The following CNTNAP2 variants were observed in gnomAD, a reference collection of about 807,000 sequenced individuals.
The protein encoded by CNTNAP2 is contactin-associated protein-like 2.
In CNTNAP2, 98 loss-of-function variants were observed where a neutral mutation model predicts 155.2. The ratio of observed to expected loss-of-function variants is 0.63; its 90% CI spans 0.54 to 0.75. The LOEUF (loss-of-function observed/expected upper bound fraction) is 0.75. Ranked by LOEUF, CNTNAP2 falls within the 30% of genes least tolerant of loss-of-function variation. The pLI, the probability that CNTNAP2 is intolerant of heterozygous loss-of-function variation, is 0.00. For missense variants in CNTNAP2, 1,727 were observed against 1,688.1 expected (o/e 1.02, Z -0.40); for synonymous variants, 651 against 631.2 (o/e 1.03, Z -0.47).
rs536807315 is a variant in CNTNAP2, at chr7:146,486,902, C to T, written c.98-287369C>T. The stretch of plus-strand genomic sequence containing the variant: ...CTCACCTAGATGCCAAGTGTTTTCT[C>T]TAAGAAAACATTGCATCTTTTCCAG... On this transcript the variant is annotated intron_variant, in intron 1 of 23. Coordinates refer to ENST00000361727, the MANE Select transcript of CNTNAP2 (RefSeq NM_014141.6). Among the ~76,000 whole-genome samples the T allele has an allele frequency of 7.2e-5, 11 of 152,278 alleles. No homozygotes were observed. The East Asian group carries it at 2.1e-3, about 29-fold the overall frequency.
chr7:146,448,805 T>C (rs923871016), intron 1 of CNTNAP2, among the ~76,000 whole-genome samples: 2 of 152,122 alleles, frequency 1.3e-5, no homozygotes, highest in African/African-American at 4.8e-5. Flanking sequence ...ACTACACCTT[T>C]ATAGTTAAAA....
intron 1 of CNTNAP2, among the ~76,000 whole-genome samples, chr7:146,263,093 C>G (rs955323933): frequency 1.3e-5 from 2 of 151,958 alleles, no homozygotes; most frequent in African/African-American, 4.8e-5. Flanking sequence ...ATGAGGCGGA[C>G]AAATCATGAG....
At chr7:146,735,310 T>C (rs1801593361) in intron 1 of CNTNAP2, among the ~76,000 whole-genome samples, 1 of 152,168 alleles carries the variant, frequency 6.6e-6, no homozygotes. Flanking sequence ...CCCGGCACTT[T>C]GGGAGGCCGA....
At chr7:147,024,977 A>G (rs1034776732) in intron 3 of CNTNAP2, among the ~76,000 whole-genome samples, 3 of 151,818 alleles carry the variant, frequency 2.0e-5, no homozygotes, top group South Asian at 2.1e-4. Context: ...GGATCTTGCT[A>G]AACCATTAGA....
At chr7:148,043,332 T>A (rs1802712201) in intron 15 of CNTNAP2, among the ~76,000 whole-genome samples, 1 of 152,206 alleles carries the variant, frequency 6.6e-6, no homozygotes, top group Non-Finnish European at 1.5e-5. Flanking sequence ...ACAAAGACAT[T>A]GATTTTTATA....
chr7:147,995,508 C>T (rs1406559858), intron 15 of CNTNAP2, among the ~76,000 whole-genome samples: 1 of 150,664 alleles, frequency 6.6e-6, no homozygotes, highest in African/African-American at 2.4e-5. Flanking sequence ...CTGGCTTTGT[C>T]CTGCCTCTTC....
chr7:147,081,321 C>G (rs1322594826), intron 4 of CNTNAP2: 1 of 152,114 alleles, frequency 6.6e-6, no homozygotes, highest in Non-Finnish European at 1.5e-5. Context: ...CCAAATTTCA[C>G]TATAGGACCT....
intron 1 of CNTNAP2, among the ~76,000 whole-genome samples, chr7:146,135,161 T>C (rs1239032772): frequency 2.6e-5 from 4 of 152,158 alleles, no homozygotes; most frequent in East Asian, 1.9e-4. Context: ...TAATGAAAGA[T>C]GTCATAGAAA....
intron 8 of CNTNAP2, among the ~76,000 whole-genome samples, chr7:147,270,795 C>T (rs1442702982): frequency 6.6e-5 from 10 of 152,156 alleles, no homozygotes; most frequent in Admixed American, 6.5e-4. Context: ...TGAATCTAGT[C>T]AGAGTCCAGG....
intron 1 of CNTNAP2, among the ~76,000 whole-genome samples, chr7:146,257,806 C>T (rs1213903160): frequency 6.6e-6 from 1 of 152,052 alleles, no homozygotes; most frequent in Non-Finnish European, 1.5e-5. Context: ...TAACAGTTCT[C>T]AACAAGAGGA....
intron 13 of CNTNAP2, among the ~76,000 whole-genome samples, chr7:147,644,305 A>T (rs774406080): frequency 6.6e-6 from 1 of 152,170 alleles, no homozygotes; most frequent in Non-Finnish European, 1.5e-5. Flanking sequence ...AGTGAAATCT[A>T]CTTCTCAAAT....
rs73453803 is a variant in CNTNAP2, at chr7:146,207,570, A to T, written c.97+90597A>T. 4.9e-3 allele frequency among the ~76,000 whole-genome samples: 737 copies of T among 151,544 alleles called. 8 individuals carry two copies. Among genetic ancestry groups the T allele is most frequent in the African/African-American group, 0.017 (701 of 41,352 alleles). ...TCCTTCTTTTCATTTATCAATCATA[A>T]CAATGTGTTAGACAACAGAAATTTT... On this transcript the variant is annotated intron_variant, in intron 1 of 23. Transcript: ENST00000361727.
chr7:147,724,738 A>G (rs1796618128), intron 13 of CNTNAP2, among the ~76,000 whole-genome samples: 1 of 152,016 alleles, frequency 6.6e-6, no homozygotes, highest in Admixed American at 6.6e-5. Flanking sequence ...TGCGGAAGCT[A>G]GAATTCAGAA....
At chr7:147,727,024 T>C (rs1431902157) in intron 13 of CNTNAP2, among the ~76,000 whole-genome samples, 2 of 122,986 alleles carry the variant, frequency 1.6e-5, no homozygotes, top group Admixed American at 7.3e-5. Context: ...TGTATATGTG[T>C]GTATATATAT....
At chr7:148,317,693 C>T (rs1797714643) in intron 21 of CNTNAP2, among the ~76,000 whole-genome samples, 1 of 152,064 alleles carries the variant, frequency 6.6e-6, no homozygotes. Context: ...GTCTTGGTTG[C>T]CCTGAGCTCA....
intron 3 of CNTNAP2, among the ~76,000 whole-genome samples, chr7:147,025,110 C>A (rs555632122): frequency 6.6e-6 from 1 of 150,540 alleles, no homozygotes; most frequent in African/African-American, 2.4e-5. Flanking sequence ...ATGGTGAAAC[C>A]CCATCTCTAC....
chr7:146,278,303 TTC>T (rs1307060787), intron 1 of CNTNAP2, among the ~76,000 whole-genome samples: 1 of 152,206 alleles, frequency 6.6e-6, no homozygotes, highest in Non-Finnish European at 1.5e-5. Flanking sequence ...ACATTTGAAA[TTC>T]TGAGTGTCTT....
intron 1 of CNTNAP2, among the ~76,000 whole-genome samples, chr7:146,673,672 TC>T (rs1335093336): frequency 4.6e-5 from 7 of 152,202 alleles, no homozygotes; most frequent in African/African-American, 1.7e-4. Flanking sequence ...GTGCCTCACT[TC>T]CGTTTTCTCT....
chr7:146,351,199 A>T (rs1038675254), intron 1 of CNTNAP2, among the ~76,000 whole-genome samples: 46 of 152,208 alleles, frequency 3.0e-4, no homozygotes, highest in African/African-American at 9.4e-4. Context: ...ATTAAAAAAA[A>T]TTTTCATGTG....
Sources: allele counts gnomAD v4.1 joint callset (sites outside exome capture counted in the v4.1 genomes callset), GRCh38; gene constraint gnomAD v4.1.1; transcripts MANE v1.5; gene names NCBI Gene and HGNC (gene_info 2026-07-23, HGNC 2026-07-21).